The following CFAP54 variants were observed in gnomAD, a reference collection of about 807,000 sequenced individuals.
CFAP54 encodes the protein cilia and flagella associated protein 54, also known as cilia- and flagella-associated protein 54.
In CFAP54, 290 loss-of-function variants were observed where a neutral mutation model predicts 370.4. That is an observed-to-expected ratio of 0.78 (90% CI 0.71 to 0.86). CFAP54 has a LOEUF of 0.86. CFAP54 is among the 40% of genes least tolerant of loss of function. The pLI is 0.00. For missense variants in CFAP54, 3,399 were observed against 3,528.7 expected (o/e 0.96, Z 0.93); for synonymous variants, 1,206 against 1,236.5 (o/e 0.98, Z 0.52).
chr12:96,506,194 C>A (rs879939975), intron 3 of CFAP54, among the ~76,000 whole-genome samples: 5 of 152,006 alleles, frequency 3.3e-5, no homozygotes, highest in Admixed American at 1.3e-4. Flanking sequence ...AAAAAAGTAA[C>A]CAGGCGTGGT....
intron 63 of CFAP54, among the ~76,000 whole-genome samples, chr12:96,795,546 T>C (rs1958752963): frequency 6.6e-6 from 1 of 151,944 alleles, no homozygotes; most frequent in African/African-American, 2.4e-5. Context: ...ATCATACAGG[T>C]TGCCAGGGAA....
At chr12:96,707,706 G>A (rs1957561080) in intron 47 of CFAP54, among the ~76,000 whole-genome samples, 1 of 152,218 alleles carries the variant, frequency 6.6e-6, no homozygotes, top group South Asian at 2.1e-4. Flanking sequence ...GAAGGCCTAA[G>A]TGGTAATGCC....
chr12:96,594,058 G>C (rs1956151382), intron 24 of CFAP54, among the ~76,000 whole-genome samples: 1 of 152,030 alleles, frequency 6.6e-6, no homozygotes, highest in African/African-American at 2.4e-5. Context: ...ACTGGTTTCT[G>C]TTATGGCACT....
chr12:96,550,920 C>A (rs1592846566), intron 15 of CFAP54, among the ~76,000 whole-genome samples: 1 of 152,136 alleles, frequency 6.6e-6, no homozygotes, highest in Non-Finnish European at 1.5e-5. Flanking sequence ...AAAGGAGACT[C>A]ATATGTAAAG....
At chr12:96,500,727 ACATT>A (rs1200080998) in intron 1 of CFAP54, 103 bp from the exon 2 acceptor site, 3 of 631,922 alleles carry the variant, frequency 4.7e-6, no homozygotes, top group Non-Finnish European at 7.9e-6. Context: ...ACAATAAGGC[ACATT>A]GGAAAGGCTT....
In CFAP54 at chr12:96,601,052, A is replaced by G. The variant is rs1418758448; in HGVS notation, c.3639+2285A>G. Among the ~76,000 whole-genome samples, 3 of 152,294 alleles carry G rather than the reference A, an allele frequency of 2.0e-5. No homozygotes were observed. The East Asian group carries it at 5.8e-4, about 29-fold the overall frequency. ...TGTCTTGTGCTGCTTTTCAAAGGGA[A>G]TGCTTCCGGTTTTGCCCATTCAGTG... On this transcript the variant is annotated intron_variant, in intron 26 of 67. Transcript: ENST00000524981.
At chr12:96,637,965 G>A (rs815910) in intron 32 of CFAP54, among the ~76,000 whole-genome samples, 29,492 of 151,936 alleles carry the variant, frequency 0.19, 3,487 homozygotes, top group South Asian at 0.32. Flanking sequence ...GTGTGTAGTA[G>A]GCTATACCAT....
intron 60 of CFAP54, among the ~76,000 whole-genome samples, chr12:96,775,912 A>G (rs112348062): frequency 3.3e-5 from 5 of 152,252 alleles, no homozygotes; most frequent in South Asian, 4.1e-4. Context: ...ATTTTATTTT[A>G]AATATGCTTT....
chr12:96,821,702 T>TAAAAAA (rs10577712), intron 65 of CFAP54, among the ~76,000 whole-genome samples: 1 of 131,900 alleles, frequency 7.6e-6, no homozygotes, highest in Non-Finnish European at 1.6e-5. Flanking sequence ...AGCACTTTAT[T>TAAAAAA]AAAAAAAAAA....
At chr12:96,774,329 T>G (rs1958493941) in intron 60 of CFAP54, among the ~76,000 whole-genome samples, 2 of 152,172 alleles carry the variant, frequency 1.3e-5, no homozygotes, top group African/African-American at 4.8e-5. Flanking sequence ...ATTAATCTTT[T>G]TGATAGATTT....
At chr12:96,874,958 A>G (rs1960269850) in intron 67 of CFAP54, among the ~76,000 whole-genome samples, 160 bp from the exon 68 acceptor site, 1 of 151,998 alleles carries the variant, frequency 6.6e-6, no homozygotes, top group South Asian at 2.1e-4. Context: ...ATGATGTGGC[A>G]TTCAGCGTTA....
intron 26 of CFAP54, among the ~76,000 whole-genome samples, chr12:96,603,423 A>C (rs1956265494): frequency 6.6e-6 from 1 of 152,082 alleles, no homozygotes; most frequent in Non-Finnish European, 1.5e-5. Flanking sequence ...TGAATCTGAC[A>C]ATTATGTGTC....
intron 58 of CFAP54, 107 bp from the exon 59 acceptor site, chr12:96,764,044 A>C (rs1255766544): frequency 1.6e-6 from 1 of 633,710 alleles, no homozygotes; most frequent in Non-Finnish European, 2.7e-6. Context: ...CAATAGATAC[A>C]TTATTATCCT....
At chr12:96,704,302 C>A (rs972428546) in intron 46 of CFAP54, among the ~76,000 whole-genome samples, 12 of 150,648 alleles carry the variant, frequency 8.0e-5, no homozygotes, top group Non-Finnish European at 1.2e-4. Context: ...TGGCGGGCAC[C>A]TGTAGTCCCA....
chr12:96,726,564 CTT>C (rs1166548313), intron 50 of CFAP54, among the ~76,000 whole-genome samples: 2 of 152,058 alleles, frequency 1.3e-5, no homozygotes, highest in African/African-American at 4.8e-5. Context: ...ATTCTTCTCT[CTT>C]TTTTTCTTTA....
intron 26 of CFAP54, among the ~76,000 whole-genome samples, chr12:96,615,239 C>G (rs1956402493): frequency 6.6e-6 from 1 of 152,132 alleles, no homozygotes. Flanking sequence ...TTTGACAAAC[C>G]TGACAAAAAC....
chr12:96,595,716 C>T (rs1956170807), intron 25 of CFAP54, among the ~76,000 whole-genome samples: 1 of 152,128 alleles, frequency 6.6e-6, no homozygotes, highest in Admixed American at 6.6e-5. Flanking sequence ...TGACAGCCTT[C>T]TGGGTCAGTT....
chr12:96,826,209 A>C (rs1477574864), intron 65 of CFAP54, among the ~76,000 whole-genome samples: 3 of 145,640 alleles, frequency 2.1e-5, no homozygotes, highest in Non-Finnish European at 4.5e-5. Context: ...AAGTTTAAAC[A>C]AATGCAAAAA....
Position 96,644,420 on chromosome 12 carries a change from T to C in CFAP54, c.4547+12T>C. On this transcript the variant is annotated intron_variant, in intron 33 of 67. Transcript: ENST00000524981. ...CATATGATGGTCAGGTATAGTATAT[T>C]ACTGATGAAAAATACTTTTTTAGTT... 6.8e-7 allele frequency: 1 copy of C among 1,477,948 alleles called. No homozygotes were observed. The highest frequency in any genetic ancestry group is 9.1e-7 in the Non-Finnish European group (1 of 1,095,316). 91.6% of individuals were successfully genotyped at this position (1,477,948 alleles called of 1,614,324 possible).
Sources: allele counts gnomAD v4.1 joint callset (sites outside exome capture counted in the v4.1 genomes callset), GRCh38; gene constraint gnomAD v4.1.1; transcripts MANE v1.5; gene names NCBI Gene and HGNC (gene_info 2026-07-23, HGNC 2026-07-21).